ADAR: variants seen among roughly 807,000 people sequenced by gnomAD.
ADAR encodes the protein adenosine deaminase RNA specific, also known as double-stranded RNA-specific adenosine deaminase.
ADAR carries 41 observed loss-of-function variants against 113.2 expected under a neutral mutation model. The observed-to-expected ratio is 0.36, with a 90% CI of 0.28 to 0.47. ADAR has a LOEUF of 0.47. Ranked by LOEUF, ADAR falls within the 20% of genes least tolerant of loss-of-function variation. ADAR has a pLI of 1.00. For missense variants in ADAR, 1,242 were observed against 1,540.9 expected (o/e 0.81, Z 3.25); for synonymous variants, 605 against 572.6 (o/e 1.06, Z -0.81).
At chr1:154,624,483 T>G (rs1224370445) in intron 1 of ADAR, among the ~76,000 whole-genome samples, 2 of 152,202 alleles carry the variant, frequency 1.3e-5, no homozygotes, top group African/African-American at 4.8e-5. Flanking sequence ...TATATAAATT[T>G]TGTATGTTCC....
upstream of ADAR, among the ~76,000 whole-genome samples, chr1:154,610,834 A>AAAAAAAAG (rs1698464110): frequency 7.0e-6 from 1 of 142,160 alleles, no homozygotes; most frequent in Non-Finnish European, 1.5e-5. Context: ...GAAAAAAAAA[A>AAAAAAAAG]AAAAAAAGAC....
chr1:154,602,317 G>A lies in ADAR; in HGVS notation c.325C>T (p.Gln109Ter). The change falls in exon 2 of 15, where the codon CAG becomes TAG. Residue 109 changes from glutamine to a stop codon, truncating the protein, a stop_gained. Coordinates refer to ENST00000368474, the MANE Select transcript of ADAR (RefSeq NM_001111.5). LOFTEE classifies it high-confidence loss of function. ...CTCCTGCCACGTGGTGAAGGATGCT[G>A]GAACCCTCTCTGGAGCCCCTGACTT... The part of the protein sequence containing the change: ...LRSQGLQRGF[Q>*]HPSPRGRSLP... The A allele has an allele frequency of 1.9e-6, 3 of 1,613,236 alleles. No homozygotes were observed. Among genetic ancestry groups the A allele is most frequent in the African/African-American group, 1.3e-5 (1 of 75,038 alleles).
chr1:154,584,595 GA>G lies in ADAR; in HGVS notation c.*210del. 1.9e-5 allele frequency: 11 copies of G among 574,016 alleles called. No homozygotes were observed. The highest frequency in any genetic ancestry group is 2.5e-5 in the Non-Finnish European group (8 of 324,118). 35.6% of individuals were successfully genotyped at this position (574,016 alleles called of 1,614,324 possible). Reference sequence around the variant, plus strand: ...TAGGTTTCTGCCTCTTCACTTGGGGGAAAAAAGGGGGGCCTGGCCAGACCTT... The same window carrying G: ...TAGGTTTCTGCCTCTTCACTTGGGGGAAAAAGGGGGGCCTGGCCAGACCTT... On this transcript the variant is annotated 3_prime_UTR_variant, in exon 15 of 15. Transcript: ENST00000368474.
chr1:154,624,506 A>G (rs1329419282), intron 1 of ADAR, among the ~76,000 whole-genome samples: 2 of 152,246 alleles, frequency 1.3e-5, no homozygotes, highest in Non-Finnish European at 2.9e-5. Context: ...ATAGTTCACT[A>G]TACAACTACA....
chr1:154,590,439 A>G (rs771692290), intron 6 of ADAR, 30 bp from the exon 7 acceptor site: 11 of 1,602,862 alleles, frequency 6.9e-6, no homozygotes, highest in Non-Finnish European at 8.5e-6. Flanking sequence ...GAATGAAGAC[A>G]AGTGCCAGAC....
Position 154,589,833 on chromosome 1 carries a change from G to T in ADAR, c.2592C>A (p.Leu864=). ...TGATGGCGGCCAGAATCTTGCGGCC[G>T]AGCAAGGAGGGCTGGAAGCTGTTAG... ...TLTNSFQPSL[L]GRKILAAIIM... Residue 864 remains leucine, a synonymous_variant, in exon 8 of 15, where the codon CTC becomes CTA. Transcript: ENST00000368474. 1 of 1,614,042 alleles carries T rather than the reference G, an allele frequency of 6.2e-7. No individual in the cohort carries two copies.
rs781748766 is a variant in ADAR, at chr1:154,602,382, T to C, written c.260A>G (p.Gln87Arg). ...CCTGGGGACACCCCTGATGTCCACT[T>C]GCCTGCCTCTGGTACTGGAGGCAAG... ...VLLASSTRGR[Q>R]VDIRGVPRGV... The change falls in exon 2 of 15, where the codon CAA becomes CGA. Residue 87 changes from glutamine (Q) to arginine (R), a missense_variant. By Grantham distance (43) the Gln-to-Arg change is conservative. Transcript: ENST00000368474. 1.2e-6 allele frequency: 2 copies of C among 1,602,720 alleles called. No homozygotes were observed. Among genetic ancestry groups the C allele is most frequent in the Non-Finnish European group, 1.7e-6 (2 of 1,173,374 alleles).
intron 1 of ADAR, among the ~76,000 whole-genome samples, chr1:154,615,745 T>C (rs1448103137): frequency 2.0e-5 from 3 of 152,222 alleles, no homozygotes; most frequent in African/African-American, 7.2e-5. Flanking sequence ...CAGTACAGCC[T>C]TCTCATTATT....
intron 6 of ADAR, 33 bp downstream of exon 6, chr1:154,596,772 G>T: frequency 6.2e-7 from 1 of 1,610,634 alleles, no homozygotes; most frequent in South Asian, 1.1e-5. Context: ...CCCAACTGGT[G>T]ACACATGCAT....
rs766814644 is a variant in ADAR, at chr1:154,597,831, G to A, written c.1931C>T (p.Pro644Leu). Residue 644 changes from proline (P) to leucine (L), a missense_variant, in exon 4 of 15, where the codon CCC becomes CTC. Physicochemically the swap from Pro to Leu is moderately conservative, Grantham distance 98. Transcript: ENST00000368474. The part of the protein sequence containing the change: ...LLSKEGPAHE[P>L]KFQYCVAVGA... ...ACAGAGGACACGTAGGACATACTTG[G>A]GTTCATGGGCAGGGCCTTCTTTGGA... 1.9e-6 allele frequency: 3 copies of A among 1,614,082 alleles called. No individual in the cohort carries two copies. The highest frequency in any genetic ancestry group is 2.5e-6 in the Non-Finnish European group (3 of 1,180,010).
intron 1 of ADAR, among the ~76,000 whole-genome samples, chr1:154,626,154 C>T (rs903999628): frequency 2.8e-4 from 40 of 145,106 alleles, no homozygotes; most frequent in African/African-American, 8.6e-4. Context: ...GTTTCGCTGT[C>T]GTCCAGGCTG....
chr1:154,589,440 A>C lies in ADAR; in HGVS notation c.2691T>G (p.Asp897Glu). The change falls in exon 9 of 15, where the codon GAT becomes GAG. Residue 897 changes from aspartate to glutamate, a missense_variant. Around this residue, in one of 2 missense-constraint regions of ADAR, gnomAD observed 780 missense variants for 1,057.9 expected, o/e 0.74. Transcript: ENST00000368474. ...LGTGNRCVKG[D>E]SLSLKGETVN... ...CAGTTTCTCCTTTTAGGCTGAGAGA[A>C]TCTCCTTTCACACAGCGATTCCCTA... 1 of 1,613,996 alleles carries C rather than the reference A, an allele frequency of 6.2e-7. No homozygotes were observed. Among genetic ancestry groups the C allele is most frequent in the Non-Finnish European group, 8.5e-7 (1 of 1,179,868 alleles).
chr1:154,596,735 C>G, intron 6 of ADAR, 70 bp downstream of exon 6: 1 of 1,578,716 alleles, frequency 6.3e-7, no homozygotes, highest in Non-Finnish European at 8.7e-7. Context: ...AAAGCACACC[C>G]TTGTTTTCCC....
rs74115806 is a variant in ADAR at position 154,598,216 on chromosome 1, G to A, written c.1785+186C>T. Among the ~76,000 whole-genome samples, 3,130 of 152,240 alleles carry A rather than the reference G, an allele frequency of 0.021. 117 individuals are homozygous for A. Among genetic ancestry groups the A allele is most frequent in the African/African-American group, 0.073 (3,018 of 41,508 alleles). The stretch of plus-strand genomic sequence containing the variant: ...CTGTAAATCCAATTATGTTGGGACA[G>A]GAGCAGACAGAGGAGCTGGGTATGA... On this transcript the variant is annotated intron_variant, in intron 3 of 14. Coordinates refer to ENST00000368474, the MANE Select transcript of ADAR (RefSeq NM_001111.5).
intron 1 of ADAR, among the ~76,000 whole-genome samples, chr1:154,615,932 C>G (rs1447289181): frequency 6.6e-6 from 1 of 152,126 alleles, no homozygotes; most frequent in Admixed American, 6.5e-5. Context: ...TGATTACAAC[C>G]TCCAAACTGG....
intron 11 of ADAR, among the ~76,000 whole-genome samples, chr1:154,586,922 T>G (rs568335354): frequency 1.3e-5 from 2 of 151,922 alleles, no homozygotes; most frequent in African/African-American, 2.4e-5. Flanking sequence ...TGCTTGTATA[T>G]GCAGTGCAGT....
At chr1:154,592,545 G>A (rs1697217411) in intron 6 of ADAR, among the ~76,000 whole-genome samples, 1 of 152,180 alleles carries the variant, frequency 6.6e-6, no homozygotes, top group African/African-American at 2.4e-5. Flanking sequence ...GGAAAGAAGA[G>A]GAAGGGATTT....
chr1:154,610,824 G>GAAAAAAA (rs1298389364), upstream of ADAR, among the ~76,000 whole-genome samples: 3 of 65,202 alleles, frequency 4.6e-5, no homozygotes, highest in Non-Finnish European at 8.1e-5. Flanking sequence ...AAAAAAAAAA[G>GAAAAAAA]AAAAAAAAAA....
intron 2 of ADAR, 123 bp from the exon 3 acceptor site, chr1:154,598,708 G>T: frequency 1.0e-6 from 1 of 984,256 alleles, no homozygotes; most frequent in South Asian, 1.3e-5. Context: ...TGGAGATGAA[G>T]GGTAGGCCAA....
Sources: allele counts gnomAD v4.1 joint callset (sites outside exome capture counted in the v4.1 genomes callset), GRCh38; gene constraint gnomAD v4.1.1; regional missense constraint gnomAD v4.1.1; transcripts MANE v1.5; gene names NCBI Gene and HGNC (gene_info 2026-07-23, HGNC 2026-07-21).